Variants in MYH13 observed in about 807,000 individuals in gnomAD.
MYH13 encodes myosin-13.
MYH13 carries 177 observed loss-of-function variants against 232.1 expected under a neutral mutation model. That is an observed-to-expected ratio of 0.76 (90% confidence interval 0.67 to 0.86). The LOEUF (loss-of-function observed/expected upper bound fraction) is 0.86. Among genes scored for constraint, MYH13 ranks in the 40% least tolerant of loss-of-function variants. MYH13 has a pLI of 0.00. For missense variants in MYH13, 2,246 were observed against 2,405.9 expected (o/e 0.93, Z 1.39); for synonymous variants, 884 against 923.5 (o/e 0.96, Z 0.78).
At chr17:10,320,915 G>A (rs975683150) in intron 24 of MYH13, among the ~76,000 whole-genome samples, 4 of 152,166 alleles carry the variant, frequency 2.6e-5, no homozygotes, top group Non-Finnish European at 5.9e-5. Flanking sequence ...CAAGGAATTC[G>A]TGTGTGTGTA....
intron 23 of MYH13, among the ~76,000 whole-genome samples, chr17:10,322,194 C>T (rs1301163988): frequency 6.6e-6 from 1 of 151,740 alleles, no homozygotes; most frequent in East Asian, 2.0e-4. Flanking sequence ...AGATCGAGAC[C>T]ATCCTGACTA....
At chr17:10,343,556 A>G (rs180722779) in intron 16 of MYH13, among the ~76,000 whole-genome samples, 171 of 152,326 alleles carry the variant, frequency 1.1e-3, no homozygotes, top group African/African-American at 4.0e-3. Flanking sequence ...ATACCTCAGT[A>G]GAAAACTATT....
At chr17:10,334,564 G>A (rs1907523876) in intron 18 of MYH13, among the ~76,000 whole-genome samples, 1 of 152,080 alleles carries the variant, frequency 6.6e-6, no homozygotes, top group African/African-American at 2.4e-5. Context: ...ATGGTTGAGA[G>A]CAAGGAGAAA....
chr17:10,304,908 G>A lies in MYH13; in HGVS notation c.5467-1410C>T, dbSNP rs1401226822. Among the ~76,000 whole-genome samples, 1 of 152,184 alleles carries A rather than the reference G, an allele frequency of 6.6e-6. No individual in the cohort carries two copies. Among genetic ancestry groups the A allele is most frequent in the Non-Finnish European group, 1.5e-5 (1 of 68,022 alleles). On this transcript the variant is annotated intron_variant, in intron 37 of 40. Transcript: ENST00000252172. This position sits in a 1 kb window ranked among gnomAD's most constrained non-coding sequence, Gnocchi z 5.3. ...ACAATCCAGAGATTGAAGCCAGGGA[G>A]GGGCAGCAGCCAGCTGCATGCTCCA...
chr17:10,371,298 C>A (rs1449243673), intron 1 of MYH13, 39 bp from the exon 2 acceptor site: 1 of 152,106 alleles, frequency 6.6e-6, no homozygotes, highest in Admixed American at 6.5e-5. Context: ...ACCAAAAAAA[C>A]CCAAATGAGC....
In MYH13 at chr17:10,354,994, C is replaced by T. The variant is rs375402940; in HGVS notation, c.803-1G>A. 4.3e-5 allele frequency: 69 copies of T among 1,609,568 alleles called. No homozygotes were observed. The highest frequency in any genetic ancestry group is 5.6e-5 in the Non-Finnish European group (66 of 1,176,124). On this transcript the variant is annotated splice_acceptor_variant, in intron 9 of 40. Coordinates refer to ENST00000252172, the MANE Select transcript of MYH13 (RefSeq NM_003802.3). LOFTEE classifies it high-confidence loss of function. ...GTCACTCTGGATTTTTCTAACAGAT[C>T]TAAGGTAACAAAAATAACGTGATTT... is the stretch of plus-strand genomic sequence containing the variant.
intron 11 of MYH13, among the ~76,000 whole-genome samples, chr17:10,354,415 T>C (rs2071732829): frequency 6.6e-6 from 1 of 152,188 alleles, no homozygotes; most frequent in Non-Finnish European, 1.5e-5. Flanking sequence ...AATGCAAAAA[T>C]GCATTCCAGT....
chr17:10,372,764 T>G (rs2071886560), intron 1 of MYH13, among the ~76,000 whole-genome samples: 1 of 152,208 alleles, frequency 6.6e-6, no homozygotes, highest in Admixed American at 6.5e-5. Flanking sequence ...TTATAATTGC[T>G]TATATTCTTG....
rs1417381585 is a variant in MYH13, at chr17:10,350,089, A to C, written c.1144+467T>G. 5.9e-5 allele frequency among the ~76,000 whole-genome samples: 9 copies of C among 152,212 alleles called. No homozygotes were observed. The East Asian group carries it at 1.5e-3, about 26-fold the overall frequency. On this transcript the variant is annotated intron_variant, in intron 12 of 40. Transcript: ENST00000252172. The stretch of plus-strand genomic sequence containing the variant: ...TAGGTGAGAGTTATGGGGAGGAAGA[A>C]CCGTTCACCATTCTTGGTTCAGGGT...
intron 23 of MYH13, among the ~76,000 whole-genome samples, chr17:10,322,660 G>A (rs1040807803): frequency 1.5e-5 from 2 of 129,218 alleles, no homozygotes; most frequent in East Asian, 2.3e-4. Context: ...TTGAGAGGGA[G>A]TCTCACTCTG....
Position 10,300,897 on chromosome 17 carries a change from A to G in MYH13, c.*54T>C. On this transcript the variant is annotated 3_prime_UTR_variant, in exon 41 of 41. Transcript: ENST00000252172. ...ATTTAGGAGAATTTATTTCTCACAC[A>G]TTTTCCCTCCACTCTCTCGGAGGTG... 1 of 1,582,684 alleles carries G rather than the reference A, an allele frequency of 6.3e-7. No individual in the cohort carries two copies. The highest frequency in any genetic ancestry group is 8.6e-7 in the Non-Finnish European group (1 of 1,157,148).
At chr17:10,329,027 TCTC>T (rs1907321043) in intron 21 of MYH13, among the ~76,000 whole-genome samples, 1 of 152,110 alleles carries the variant, frequency 6.6e-6, no homozygotes, top group Non-Finnish European at 1.5e-5. Flanking sequence ...ACCCACATGA[TCTC>T]CTCCCCTTCA....
chr17:10,303,443 A>G lies in MYH13; in HGVS notation c.5522T>C (p.Leu1841Pro), dbSNP rs1270039398. 2 of 1,613,900 alleles carry G rather than the reference A, an allele frequency of 1.2e-6. No homozygotes were observed. Among genetic ancestry groups the G allele is most frequent in the Non-Finnish European group, 1.7e-6 (2 of 1,179,876 alleles). Reference protein sequence around the residue: ...DVEQKRGAEALKGAHKYERKV... With the variant: ...DVEQKRGAEAPKGAHKYERKV... ...GCGTTCGTACTTGTGGGCTCCCTTC[A>G]GGGCTTCAGCTCCCCTCTTCTGTTC... The change falls in exon 38 of 41, where the codon CTG (leucine) becomes CCG (proline). Residue 1841 changes from leucine to proline, a missense_variant. Coordinates refer to ENST00000252172, the MANE Select transcript of MYH13 (RefSeq NM_003802.3).
In MYH13 at chr17:10,330,504, A is replaced by T. The variant is rs754314075; in HGVS notation, c.2318T>A (p.Leu773His). ...TCTCATCTCCTCCAAAAGTCCCAGG[A>T]GCCCAGCTTTGAAAAACACCTGCAT... Reference protein sequence around the residue: ...GNTKVFFKAGLLGLLEEMRDE... With the variant: ...GNTKVFFKAGHLGLLEEMRDE... Residue 773 changes from leucine to histidine, a missense_variant, in exon 21 of 41, where the codon CTC becomes CAC. Transcript: ENST00000252172. 3.1e-6 allele frequency: 5 copies of T among 1,610,766 alleles called. No individual in the cohort carries two copies. In the South Asian group the frequency reaches 5.5e-5, roughly 18 times the overall value.
chr17:10,323,682 C>G (rs1280847233), intron 23 of MYH13, among the ~76,000 whole-genome samples: 2 of 146,796 alleles, frequency 1.4e-5, no homozygotes, highest in East Asian at 4.5e-4. Context: ...TTGCTTGAAC[C>G]TGGGAGGCGG....
In MYH13 at chr17:10,320,493, C is replaced by A. The variant is rs745548039; in HGVS notation, c.3115G>T (p.Glu1039Ter). Residue 1039 changes from glutamate (E) to a stop codon, truncating the protein, a stop_gained, in exon 25 of 41, where the codon GAG (glutamate) becomes TAG (stop). Coordinates refer to ENST00000252172, the MANE Select transcript of MYH13 (RefSeq NM_003802.3). LOFTEE classifies it high-confidence loss of function. ...TTCTTCTCCTGCTCTAAGGAACCCT[C>A]AAGCTGAGAAGACACACAGGTAGAA... is the stretch of plus-strand genomic sequence containing the variant. ...AKLEQQTDDLEGSLEQEKKLR... is the reference protein window; with the variant it reads ...AKLEQQTDDL 6.2e-7 allele frequency: 1 copy of A among 1,612,250 alleles called. No individual in the cohort carries two copies. The highest frequency in any genetic ancestry group is 2.2e-5 in the East Asian group (1 of 44,844).
Position 10,304,933 on chromosome 17 carries a change from A to C in MYH13, c.5467-1435T>G, listed in dbSNP as rs552272294. 5.3e-5 allele frequency among the ~76,000 whole-genome samples: 8 copies of C among 152,152 alleles called. No individual in the cohort carries two copies. In the South Asian group the frequency reaches 1.5e-3, roughly 28 times the overall value. The stretch of plus-strand genomic sequence containing the variant: ...GGGGCAGCAGCCAGCTGCATGCTCC[A>C]CTCCACTGGGAATCCCAGTGGCTGC... On this transcript the variant is annotated intron_variant, in intron 37 of 40. Coordinates refer to ENST00000252172, the MANE Select transcript of MYH13 (RefSeq NM_003802.3). This position sits in a 1 kb window ranked among gnomAD's most constrained non-coding sequence, Gnocchi z 5.3.
intron 13 of MYH13, 117 bp from the exon 14 acceptor site, chr17:10,345,733 A>G (rs981457146): frequency 2.3e-5 from 35 of 1,545,836 alleles, no homozygotes; most frequent in East Asian, 1.1e-4. Context: ...GGTGGCTCAC[A>G]CCTGTAATCC....
At chr17:10,305,870 A>G in intron 37 of MYH13, among the ~76,000 whole-genome samples, 1 of 152,340 alleles carries the variant, frequency 6.6e-6, no homozygotes, top group East Asian at 1.9e-4. Flanking sequence ...TGGTGCATCA[A>G]GCTAAAGGAA....
Sources: gnomAD v4.1 joint callset for allele counts (sites outside exome capture counted in the v4.1 genomes callset) on GRCh38, gnomAD v4.1.1 for gene constraint, Gnocchi (gnomAD v3.1) non-coding constraint, MANE v1.5 for transcripts, NCBI Gene and HGNC (gene_info 2026-07-23, HGNC 2026-07-21) for gene names.